The following WDPCP variants were observed in gnomAD, a reference collection of about 807,000 sequenced individuals.
WDPCP encodes WD repeat containing planar cell polarity effector, also known as WD repeat-containing and planar cell polarity effector protein fritz homolog.
A neutral mutation model predicts 93.1 loss-of-function variants in WDPCP; 71 were observed. The ratio of observed to expected loss-of-function variants is 0.76; its 90% CI spans 0.63 to 0.93. The LOEUF (loss-of-function observed/expected upper bound fraction) is 0.93, where lower values mean the gene tolerates loss of function less well. WDPCP is among the 40% of genes least tolerant of loss of function. The pLI is 0.00. For synonymous variants in WDPCP, 315 were observed against 315.0 expected (o/e 1.00, Z 0.00); for missense variants, 844 against 887.4 (o/e 0.95, Z 0.62).
chr2:63,636,070 A>C (rs183278571), intron 3 of WDPCP, among the ~76,000 whole-genome samples: 4 of 152,310 alleles, frequency 2.6e-5, no homozygotes, highest in African/African-American at 9.6e-5. Context: ...TCAACAAGGA[A>C]CTATCCAAAA....
chr2:63,788,398 T>C (rs1411583984), intron 2 of WDPCP, among the ~76,000 whole-genome samples: 1 of 152,196 alleles, frequency 6.6e-6, no homozygotes, highest in Non-Finnish European at 1.5e-5. Flanking sequence ...TACAACTTCA[T>C]ATTTTTATAC....
At chr2:63,759,349 T>C (rs981553919) in intron 2 of WDPCP, among the ~76,000 whole-genome samples, 5 of 152,112 alleles carry the variant, frequency 3.3e-5, no homozygotes, top group Non-Finnish European at 4.4e-5. Flanking sequence ...TGGAAAGTCT[T>C]GTCACAGCTT....
chr2:63,141,501 T>C (rs1048074929), intron 17 of WDPCP, among the ~76,000 whole-genome samples: 1 of 152,234 alleles, frequency 6.6e-6, no homozygotes, highest in African/African-American at 2.4e-5. Flanking sequence ...TGATATGTTG[T>C]TGGATTTGGT....
intron 1 of WDPCP, among the ~76,000 whole-genome samples, chr2:63,816,452 A>C (rs1273332868): frequency 1.3e-5 from 2 of 152,204 alleles, no homozygotes; most frequent in Admixed American, 1.3e-4. Context: ...GACACTGTCC[A>C]TATAAGAGAC....
chr2:63,243,499 A>T (rs1018482480), intron 14 of WDPCP, among the ~76,000 whole-genome samples: 1 of 152,050 alleles, frequency 6.6e-6, no homozygotes, highest in African/African-American at 2.4e-5. Flanking sequence ...GATAGTTTCT[A>T]TTGCTGTGCT....
intron 10 of WDPCP, among the ~76,000 whole-genome samples, chr2:63,390,055 ATCTACAGAATTC>A (rs1693091006): frequency 6.6e-6 from 1 of 152,190 alleles, no homozygotes; most frequent in African/African-American, 2.4e-5. Flanking sequence ...CCTAATAGAC[ATCTACAGAATTC>A]TCTACCCCTA....
chr2:63,788,505 C>G (rs1670501282), intron 2 of WDPCP, among the ~76,000 whole-genome samples: 1 of 152,164 alleles, frequency 6.6e-6, no homozygotes, highest in Non-Finnish European at 1.5e-5. Context: ...ATCTTTAGGA[C>G]TTCTCTCAGA....
intron 9 of WDPCP, among the ~76,000 whole-genome samples, chr2:63,417,971 T>C (rs375820566): frequency 3.2e-4 from 48 of 152,132 alleles, no homozygotes; most frequent in African/African-American, 1.0e-3. Context: ...TAGACCAAGA[T>C]GATAAAGTGC....
At chr2:63,147,864 G>C (rs1184987572) in intron 17 of WDPCP, among the ~76,000 whole-genome samples, 2 of 151,842 alleles carry the variant, frequency 1.3e-5, no homozygotes, top group African/African-American at 2.4e-5. Context: ...AGCTACTTGG[G>C]AGGCTGAGGC....
At chr2:63,139,397 A>C (rs896990039) in intron 17 of WDPCP, among the ~76,000 whole-genome samples, 5 of 152,208 alleles carry the variant, frequency 3.3e-5, no homozygotes, top group Non-Finnish European at 7.3e-5. Context: ...AGGAATCTCC[A>C]CACTGTTTTC....
intron 1 of WDPCP, among the ~76,000 whole-genome samples, chr2:63,521,172 G>A (rs1350533495): frequency 6.6e-6 from 1 of 152,136 alleles, no homozygotes; most frequent in South Asian, 2.1e-4. Flanking sequence ...ATAATAACCA[G>A]CTAACAACAT....
At chr2:63,484,541 A>T in intron 6 of WDPCP, 63 bp downstream of exon 6, 1 of 1,590,200 alleles carries the variant, frequency 6.3e-7, no homozygotes, top group South Asian at 1.1e-5. Context: ...CAAGAATACC[A>T]ATTACTACAT....
intron 2 of WDPCP, among the ~76,000 whole-genome samples, chr2:63,765,863 G>A (rs897137642): frequency 1.3e-5 from 2 of 152,224 alleles, no homozygotes; most frequent in African/African-American, 2.4e-5. Context: ...CCATGCTTGT[G>A]CTTTACCTAG....
intron 3 of WDPCP, among the ~76,000 whole-genome samples, chr2:63,617,784 G>A (rs1709688418): frequency 6.6e-6 from 1 of 152,128 alleles, no homozygotes; most frequent in Non-Finnish European, 1.5e-5. Flanking sequence ...ATTTTAGGCA[G>A]TTGAGATAAA....
chr2:63,604,963 T>C, intron 3 of WDPCP: 2 of 1,279,334 alleles, frequency 1.6e-6, no homozygotes, highest in Non-Finnish European at 2.2e-6. Context: ...GGCAGGTCTT[T>C]CACAGTTGCT....
chr2:63,526,767 C>T (rs948252210), intron 1 of WDPCP, among the ~76,000 whole-genome samples: 2 of 152,202 alleles, frequency 1.3e-5, no homozygotes, highest in Admixed American at 6.5e-5. Flanking sequence ...AACCCCCATA[C>T]TTCAATCCCA....
intron 13 of WDPCP, among the ~76,000 whole-genome samples, chr2:63,281,044 A>G (rs1683500831): frequency 6.6e-6 from 1 of 152,166 alleles, no homozygotes; most frequent in African/African-American, 2.4e-5. Context: ...TTAACAGACA[A>G]CCCACAGAAA....
intron 2 of WDPCP, among the ~76,000 whole-genome samples, chr2:63,742,203 C>T (rs1393589939): frequency 6.7e-6 from 1 of 149,808 alleles, no homozygotes; most frequent in Non-Finnish European, 1.5e-5. Context: ...GTTGTTCTTT[C>T]TGTAAAAAGA....
chr2:63,528,493 T>A (rs1004754999), intron 1 of WDPCP, among the ~76,000 whole-genome samples: 1 of 152,230 alleles, frequency 6.6e-6, no homozygotes, highest in Non-Finnish European at 1.5e-5. Context: ...CCAGTTCTTG[T>A]TTTTATCAGG....
Sources: gnomAD v4.1 joint callset for allele counts (sites outside exome capture counted in the v4.1 genomes callset) on GRCh38, gnomAD v4.1.1 for gene constraint, MANE v1.5 for transcripts, NCBI Gene and HGNC (gene_info 2026-07-23, HGNC 2026-07-21) for gene names.